Variants in CDH3 observed in about 807,000 individuals in gnomAD.
CDH3 encodes the protein cadherin-3.
Under a neutral mutation model 82.0 loss-of-function variants are expected in CDH3, and 54 were observed. That is an observed-to-expected ratio of 0.66 (90% CI 0.53 to 0.83). The LOEUF is 0.83. Ranked by LOEUF, CDH3 falls within the 40% of genes least tolerant of loss-of-function variation. CDH3 has a pLI of 0.00. For synonymous variants in CDH3, 446 were observed against 437.9 expected, an observed-to-expected ratio of 1.02 and a Z score of -0.23; for missense variants, 1,054 against 1,084.6, an observed-to-expected ratio of 0.97 and a Z score of 0.40.
At chr16:68,682,913 T>C (rs1409819077) in intron 9 of CDH3, among the ~76,000 whole-genome samples, 7 of 152,192 alleles carry the variant, frequency 4.6e-5, no homozygotes, top group African/African-American at 4.8e-5. Context: ...TGTGTGTATG[T>C]ATTTTTGTTT....
At chr16:68,662,369 G>A (rs1960607253) in intron 2 of CDH3, among the ~76,000 whole-genome samples, 1 of 152,076 alleles carries the variant, frequency 6.6e-6, no homozygotes. Context: ...GAGGCAGGAG[G>A]ATCACTTGAG....
chr16:68,656,522 ATCC>A (rs1436260048), intron 2 of CDH3, among the ~76,000 whole-genome samples: 1 of 152,086 alleles, frequency 6.6e-6, no homozygotes, highest in East Asian at 1.9e-4. Flanking sequence ...AGCCCCTTTA[ATCC>A]TCCTAAAAGC....
At chr16:68,658,071 T>TC (rs1960453806) in intron 2 of CDH3, among the ~76,000 whole-genome samples, 1 of 150,196 alleles carries the variant, frequency 6.7e-6, no homozygotes, top group Non-Finnish European at 1.5e-5. Context: ...TCTTTTTTTT[T>TC]TTTTTTTTTT....
intron 2 of CDH3, 151 bp from the exon 3 acceptor site, chr16:68,676,234 C>T: frequency 8.6e-6 from 6 of 697,420 alleles, no homozygotes; most frequent in Non-Finnish European, 1.3e-5. Context: ...ATTAGTCACA[C>T]TCCTGGTCAG....
rs573971958 is a variant in CDH3 at position 68,673,769 on chromosome 16, A to T, written c.161-2616A>T. Among the ~76,000 whole-genome samples the T allele has an allele frequency of 1.1e-4, 16 of 152,212 alleles. No homozygotes were observed. In the East Asian group the frequency reaches 3.1e-3, roughly 29 times the overall value. On this transcript the variant is annotated intron_variant, in intron 2 of 15. Coordinates refer to ENST00000264012, the MANE Select transcript of CDH3 (RefSeq NM_001793.6). ...GTGAAACCCCATCTCTACTAAAAAT[A>T]CTAAAATTAGCTGGGCATGGTGGTG...
intron 2 of CDH3, chr16:68,646,094 A>G (rs1410869484): frequency 2.8e-5 from 8 of 288,506 alleles, no homozygotes; most frequent in Admixed American, 1.5e-4. Flanking sequence ...TCTTCCCCCA[A>G]CCCGCGCGCA....
intron 2 of CDH3, among the ~76,000 whole-genome samples, chr16:68,654,968 G>A (rs528462794): frequency 2.6e-5 from 4 of 152,092 alleles, no homozygotes; most frequent in Admixed American, 6.6e-5. Flanking sequence ...CCTGGGAGGC[G>A]GAGGTTGCAG....
chr16:68,669,620 G>T (rs916510834), intron 2 of CDH3, among the ~76,000 whole-genome samples: 2 of 151,954 alleles, frequency 1.3e-5, no homozygotes, highest in South Asian at 2.1e-4. Flanking sequence ...GGGTGGCGGG[G>T]GGGGTGGGCG....
At chr16:68,681,139 G>A (rs1171524016) in intron 8 of CDH3, 43 bp downstream of exon 8, 6 of 1,611,990 alleles carry the variant, frequency 3.7e-6, no homozygotes, top group South Asian at 1.1e-5. Context: ...GATAATGAAG[G>A]ACCAAAGTTT....
intron 1 of CDH3, among the ~76,000 whole-genome samples, chr16:68,710,774 G>A (rs1170991571): frequency 6.6e-6 from 1 of 151,556 alleles, no homozygotes; most frequent in Non-Finnish European, 1.5e-5. Flanking sequence ...GAACCCAGGA[G>A]GCAGAGGTTG....
At chr16:68,710,144 C>G (rs1051006730) in intron 1 of CDH3, among the ~76,000 whole-genome samples, 1 of 152,226 alleles carries the variant, frequency 6.6e-6, no homozygotes, top group Non-Finnish European at 1.5e-5. Context: ...AGTATCCCTC[C>G]GCCTGCTCCC....
At chr16:68,651,017 GCTGGGAGCCT>G in intron 2 of CDH3, 2 of 375,892 alleles carry the variant, frequency 5.3e-6, no homozygotes, top group South Asian at 3.8e-5. Flanking sequence ...GAGAGAGCGT[GCTGGGAGCCT>G]TAGTAGCTGG....
chr16:68,726,307 A>T (rs1190891268), intron 2 of CDH3, among the ~76,000 whole-genome samples: 1 of 152,094 alleles, frequency 6.6e-6, no homozygotes, highest in Non-Finnish European at 1.5e-5. Flanking sequence ...TGCTCCCCTG[A>T]CCTGTGGCTG....
At chr16:68,728,671 A>T (rs1339215547), downstream of CDH3, among the ~76,000 whole-genome samples, 3 of 152,158 alleles carry the variant, frequency 2.0e-5, no homozygotes, top group African/African-American at 4.8e-5. Context: ...AATGCTTGGC[A>T]CATGGGAGTG....
Position 68,682,382 on chromosome 16 carries a change from A to T in CDH3, c.1077A>T (p.Ser359=), listed in dbSNP as rs1308817594. The T allele has an allele frequency of 2.5e-6, 4 of 1,613,902 alleles. No individual in the cohort carries two copies. The South Asian group carries it at 3.3e-5, about 13-fold the overall frequency. ...LTVTDLDAPN[S]PAWRATYLIM... Reference sequence around the variant, plus strand: ...TCACTGATCTGGACGCCCCCAACTCACCAGCGTGGCGTGCCACCTACCTTA... The same window carrying T: ...TCACTGATCTGGACGCCCCCAACTCTCCAGCGTGGCGTGCCACCTACCTTA... Residue 359 remains serine (S), a synonymous_variant, in exon 9 of 16, where the codon TCA becomes TCT. Coordinates refer to ENST00000264012, the MANE Select transcript of CDH3 (RefSeq NM_001793.6).
chr16:68,695,358 C>T lies in CDH3; in HGVS notation c.2106C>T (p.Gly702=), dbSNP rs760094783. 20 of 1,613,092 alleles carry T rather than the reference C, an allele frequency of 1.2e-5. No homozygotes were observed. Among genetic ancestry groups the T allele is most frequent in the African/African-American group, 8.0e-5 (6 of 74,858 alleles). The change falls in exon 14 of 16, where the codon GGC becomes GGT. Residue 702 remains glycine (G), a synonymous_variant. Coordinates refer to ENST00000264012, the MANE Select transcript of CDH3 (RefSeq NM_001793.6). ...DDTRDNVFYY[G]EEGGGEEDQD... ...CCCGTGACAACGTCTTCTACTATGG[C>T]GAAGAGGGGGGTGGCGAAGAGGACC...
chr16:68,731,815 G>A (rs1597834432), downstream of CDH3, among the ~76,000 whole-genome samples: 1 of 152,014 alleles, frequency 6.6e-6, no homozygotes, highest in Non-Finnish European at 1.5e-5. Flanking sequence ...TCCAGCCGGG[G>A]TGACAGAGTT....
chr16:68,712,258 A>G (rs1962040979), intron 1 of CDH3, among the ~76,000 whole-genome samples: 1 of 151,048 alleles, frequency 6.6e-6, no homozygotes, highest in South Asian at 2.1e-4. Context: ...GCTGGTTTCC[A>G]ACTCCTGGGC....
rs1961102086 is a variant in CDH3 at position 68,678,544 on chromosome 16, T to C, written c.434T>C (p.Ile145Thr). The change falls in exon 5 of 16, where the codon ATC (isoleucine) becomes ACC (threonine). Residue 145 changes from isoleucine (I) to threonine (T), a missense_variant. Transcript: ENST00000264012. ...KDRDTKIFYS[I>T]TGPGADSPPE... is the part of the protein sequence containing the mutation. Reference sequence around the variant, plus strand: ...AGAGACACCAAGATTTTCTACAGCATCACGGGGCCGGGGGCAGACAGCCCC... The same window carrying C: ...AGAGACACCAAGATTTTCTACAGCACCACGGGGCCGGGGGCAGACAGCCCC... 1 of 1,614,238 alleles carries C rather than the reference T, an allele frequency of 6.2e-7. No homozygotes were observed. The highest frequency in any genetic ancestry group is 8.5e-7 in the Non-Finnish European group (1 of 1,180,042).
Sources: allele counts gnomAD v4.1 joint callset (sites outside exome capture counted in the v4.1 genomes callset), GRCh38; gene constraint gnomAD v4.1.1; transcripts MANE v1.5; gene names NCBI Gene and HGNC (gene_info 2026-07-23, HGNC 2026-07-21).